ACSBG2: variants seen among roughly 807,000 people sequenced by gnomAD.
ACSBG2 encodes the protein long-chain-fatty-acid--CoA ligase ACSBG2.
In ACSBG2, 62 loss-of-function variants were observed where a neutral mutation model predicts 74.7. The ratio of observed to expected loss-of-function variants is 0.83; its 90% CI spans 0.68 to 1.03. The LOEUF is 1.03. Among genes scored for constraint, ACSBG2 ranks in the 50% least tolerant of loss-of-function variants. ACSBG2 has a pLI of 0.00. For missense variants in ACSBG2, 730 were observed against 817.6 expected (o/e 0.89, Z 1.31); for synonymous variants, 309 against 294.1 (o/e 1.05, Z -0.52).
chr19:6,188,554 G>T (rs2090469079), intron 13 of ACSBG2, among the ~76,000 whole-genome samples: 1 of 152,134 alleles, frequency 6.6e-6, no homozygotes, highest in African/African-American at 2.4e-5. Context: ...TTGAGCCCAG[G>T]GAGGTCAAGG....
intron 8 of ACSBG2, among the ~76,000 whole-genome samples, chr19:6,181,603 CA>C (rs1227301542): frequency 6.6e-6 from 1 of 152,054 alleles, no homozygotes; most frequent in Non-Finnish European, 1.5e-5. Flanking sequence ...CTTTTGGTAT[CA>C]TATCTAGGAA....
At chr19:6,190,808 T>TACAGAC in intron 14 of ACSBG2, 116 bp downstream of exon 14, 6 of 387,388 alleles carry the variant, frequency 1.5e-5, no homozygotes, top group Non-Finnish European at 1.9e-5. Flanking sequence ...CATACACACA[T>TACAGAC]ACATACACAC....
At chr19:6,168,099 C>A (rs1171136390) in intron 7 of ACSBG2, among the ~76,000 whole-genome samples, 3 of 151,972 alleles carry the variant, frequency 2.0e-5, no homozygotes, top group Non-Finnish European at 4.4e-5. Flanking sequence ...AGGTAAAAGC[C>A]CAAGTCTCCT....
In ACSBG2 at chr19:6,184,114, T is replaced by C. The variant is rs74743654; in HGVS notation, c.1322+842T>C. On this transcript the variant is annotated intron_variant, in intron 10 of 14. Transcript: ENST00000588485. ...CCCAGCATTGCCATACATTTAAAAGTCATTTGTACTTCCTTTCCTATGAGC... is the reference window on the plus strand; with the variant it reads ...CCCAGCATTGCCATACATTTAAAAGCCATTTGTACTTCCTTTCCTATGAGC... 2.8e-4 allele frequency among the ~76,000 whole-genome samples: 42 copies of C among 152,312 alleles called. No individual in the cohort carries two copies. In the East Asian group the frequency reaches 6.8e-3, roughly 25 times the overall value.
At chr19:6,190,454 C>T in intron 13 of ACSBG2, 130 bp from the exon 14 acceptor site, 1 of 714,544 alleles carries the variant, frequency 1.4e-6, no homozygotes, top group South Asian at 1.6e-5. Context: ...AGTTACACAC[C>T]CTGAAAGTCA....
intron 5 of ACSBG2, among the ~76,000 whole-genome samples, 166 bp from the exon 6 acceptor site, chr19:6,161,049 G>A (rs58594133): frequency 0.024 from 3,540 of 150,336 alleles, 121 homozygotes; most frequent in African/African-American, 0.077. Context: ...GCAGTGAGCC[G>A]AGATTGGGCC....
intron 10 of ACSBG2, among the ~76,000 whole-genome samples, chr19:6,184,307 GT>G (rs1016876410): frequency 1.3e-5 from 2 of 152,018 alleles, no homozygotes; most frequent in Admixed American, 6.6e-5. Context: ...TAGTTAAGAT[GT>G]TTTTTACTGT....
At chr19:6,156,666 G>C (rs1056818832) in intron 5 of ACSBG2, 115 bp downstream of exon 5, 1 of 1,142,656 alleles carries the variant, frequency 8.8e-7, no homozygotes, top group South Asian at 2.2e-5. Context: ...CCATGCATCT[G>C]TTCAGCGAGT....
chr19:6,143,726 T>C (rs549794485), intron 2 of ACSBG2, among the ~76,000 whole-genome samples: 2 of 152,310 alleles, frequency 1.3e-5, no homozygotes, highest in East Asian at 1.9e-4. Context: ...GCTCTTCTCC[T>C]CATCACCCCC....
intron 7 of ACSBG2, among the ~76,000 whole-genome samples, chr19:6,169,063 G>T (rs970170379): frequency 5.3e-5 from 8 of 152,240 alleles, no homozygotes; most frequent in African/African-American, 1.9e-4. Flanking sequence ...ACAGGCGTGA[G>T]CCATGGCGCC....
At chr19:6,139,073 T>C (rs2088715644) in intron 1 of ACSBG2, among the ~76,000 whole-genome samples, 1 of 144,558 alleles carries the variant, frequency 6.9e-6, no homozygotes, top group Non-Finnish European at 1.5e-5. Flanking sequence ...TCACTTTACT[T>C]ATTTTTAAAA....
intron 6 of ACSBG2, chr19:6,161,516 GA>G: frequency 2.1e-6 from 1 of 476,970 alleles, no homozygotes; most frequent in African/African-American, 2.0e-5. Context: ...CAAAGGACGT[GA>G]AATGTGAGCA....
chr19:6,186,072 T>TTA (rs1555697946), intron 11 of ACSBG2, among the ~76,000 whole-genome samples: 1 of 151,332 alleles, frequency 6.6e-6, no homozygotes. Flanking sequence ...TTTTTTTTTT[T>TTA]AACTCAAACT....
At chr19:6,164,035 T>C (rs2089718020) in intron 6 of ACSBG2, among the ~76,000 whole-genome samples, 1 of 152,040 alleles carries the variant, frequency 6.6e-6, no homozygotes, top group Non-Finnish European at 1.5e-5. Flanking sequence ...GACTGTGACA[T>C]TTGGGAAGGA....
At chr19:6,155,517 T>C (rs1245903539) in intron 4 of ACSBG2, among the ~76,000 whole-genome samples, 2 of 151,982 alleles carry the variant, frequency 1.3e-5, no homozygotes, top group East Asian at 1.9e-4. Flanking sequence ...TTGTCGAACA[T>C]GGTGGCTCAC....
intron 14 of ACSBG2, chr19:6,191,637 T>TAGG (rs1568263053): frequency 6.6e-6 from 1 of 152,162 alleles, no homozygotes; most frequent in Non-Finnish European, 1.5e-5. Flanking sequence ...TTAGTAAGAT[T>TAGG]AGGGCCCACC....
Position 6,180,153 on chromosome 19 carries a change from A to G in ACSBG2, c.907-2598A>G, listed in dbSNP as rs553938222. Among the ~76,000 whole-genome samples, 1 of 152,238 alleles carries G rather than the reference A, an allele frequency of 6.6e-6. No homozygotes were observed. Among genetic ancestry groups the G allele is most frequent in the Admixed American group, 6.5e-5 (1 of 15,284 alleles). ...ACCCTGTGATGACATTGGGCCACCCAGATCATCCAGGATGATCTCCCATCT... is the reference window on the plus strand; with the variant it reads ...ACCCTGTGATGACATTGGGCCACCCGGATCATCCAGGATGATCTCCCATCT... On this transcript the variant is annotated intron_variant, in intron 8 of 14. Transcript: ENST00000588485. This position sits in a 1 kb window ranked among gnomAD's most constrained non-coding sequence, Gnocchi z 4.3.
At chr19:6,168,212 G>A (rs1476500738) in intron 7 of ACSBG2, among the ~76,000 whole-genome samples, 1 of 151,988 alleles carries the variant, frequency 6.6e-6, no homozygotes, top group African/African-American at 2.4e-5. Context: ...GGTCCTCCTT[G>A]CTGTTCCTCC....
intron 3 of ACSBG2, among the ~76,000 whole-genome samples, chr19:6,148,025 T>A (rs796875612): frequency 1.1e-4 from 17 of 152,364 alleles, no homozygotes; most frequent in African/African-American, 3.8e-4. Context: ...TGCTGCTGCA[T>A]AACAAATTAT....
Sources: gnomAD v4.1 joint callset for allele counts (sites outside exome capture counted in the v4.1 genomes callset) on GRCh38, gnomAD v4.1.1 for gene constraint, Gnocchi (gnomAD v3.1) non-coding constraint, MANE v1.5 for transcripts, NCBI Gene and HGNC (gene_info 2026-07-23, HGNC 2026-07-21) for gene names.